NR3C2: variants seen among roughly 807,000 people sequenced by gnomAD.
NR3C2 encodes the protein nuclear receptor subfamily 3 group C member 2, also known as mineralocorticoid receptor.
NR3C2 carries 15 observed loss-of-function variants against 86.4 expected under a neutral mutation model. The observed-to-expected ratio is 0.17, with a 90% CI of 0.12 to 0.27. NR3C2 has a LOEUF of 0.27. Among genes scored for constraint, NR3C2 ranks in the 10% least tolerant of loss-of-function variants. NR3C2 has a pLI of 1.00. For synonymous variants in NR3C2, 458 were observed against 450.5 expected (o/e 1.02, Z -0.21); for missense variants, 960 against 1,195.6 (o/e 0.80, Z 2.91).
intron 3 of NR3C2, among the ~76,000 whole-genome samples, chr4:148,251,829 G>C (rs1739593565): frequency 6.6e-6 from 1 of 151,998 alleles, no homozygotes; most frequent in African/African-American, 2.4e-5. Flanking sequence ...ACTTGGAATG[G>C]GTAAGAGTTA....
At chr4:148,228,588 C>T (rs1738301361) in intron 3 of NR3C2, among the ~76,000 whole-genome samples, 1 of 152,136 alleles carries the variant, frequency 6.6e-6, no homozygotes, top group African/African-American at 2.4e-5. Context: ...ATACATGCTG[C>T]AAATATTTTC....
At chr4:148,341,641 G>T (rs1015089697) in intron 2 of NR3C2, among the ~76,000 whole-genome samples, 4 of 152,006 alleles carry the variant, frequency 2.6e-5, no homozygotes, top group African/African-American at 9.7e-5. Flanking sequence ...AATGTTTGGG[G>T]TAATAAATGC....
rs895003302 is a variant in NR3C2 at position 148,119,497 on chromosome 4, A to G, written c.2641+661T>C. Among the ~76,000 whole-genome samples the G allele has an allele frequency of 2.0e-5, 3 of 152,208 alleles. No individual in the cohort carries two copies. The South Asian group carries it at 6.2e-4, about 31-fold the overall frequency. On this transcript the variant is annotated intron_variant, in intron 7 of 8. Coordinates refer to ENST00000358102, the MANE Select transcript of NR3C2 (RefSeq NM_000901.5). ...TAGTAAATAATTACTTTCCATATGT[A>G]TTAAAGATATCTTTGGCCAGGCGTG...
intron 3 of NR3C2, among the ~76,000 whole-genome samples, chr4:148,210,151 T>C: frequency 6.6e-6 from 1 of 152,084 alleles, no homozygotes; most frequent in East Asian, 1.9e-4. Flanking sequence ...GAGGCCGGTT[T>C]TGGTGTGATA....
chr4:148,344,874 T>C (rs1744916469), intron 2 of NR3C2, among the ~76,000 whole-genome samples: 1 of 152,168 alleles, frequency 6.6e-6, no homozygotes, highest in Non-Finnish European at 1.5e-5. Context: ...TAAACATTAT[T>C]CCAAGGCCAT....
At chr4:148,100,978 G>T (rs1731508187) in intron 8 of NR3C2, among the ~76,000 whole-genome samples, 1 of 152,236 alleles carries the variant, frequency 6.6e-6, no homozygotes, top group South Asian at 2.1e-4. Flanking sequence ...GACAAATACT[G>T]TATGTCTCCT....
At chr4:148,321,972 C>A (rs1315361721) in intron 2 of NR3C2, among the ~76,000 whole-genome samples, 1 of 152,172 alleles carries the variant, frequency 6.6e-6, no homozygotes, top group Non-Finnish European at 1.5e-5. Flanking sequence ...TCTTCCTAGT[C>A]TTGATGGTCT....
chr4:148,237,574 C>T (rs1228944364), intron 3 of NR3C2, among the ~76,000 whole-genome samples: 3 of 151,272 alleles, frequency 2.0e-5, no homozygotes, highest in Non-Finnish European at 4.4e-5. Flanking sequence ...TGAAATATGG[C>T]ACAATTTTAT....
At chr4:148,282,608 A>T (rs1741304466) in intron 2 of NR3C2, among the ~76,000 whole-genome samples, 1 of 152,186 alleles carries the variant, frequency 6.6e-6, no homozygotes, top group African/African-American at 2.4e-5. Context: ...CCAACGAGAA[A>T]GAGCAAGAAA....
At chr4:148,292,069 A>G (rs944199647) in intron 2 of NR3C2, among the ~76,000 whole-genome samples, 20 of 152,094 alleles carry the variant, frequency 1.3e-4, no homozygotes, top group Non-Finnish European at 2.8e-4. Flanking sequence ...CATTGAGGTA[A>G]TAAGTTGAAA....
chr4:148,265,855 A>G (rs1267962031), intron 2 of NR3C2, among the ~76,000 whole-genome samples: 1 of 152,198 alleles, frequency 6.6e-6, no homozygotes, highest in Admixed American at 6.5e-5. Context: ...CTGAAAGTCT[A>G]CGGTGGGCCC....
rs28723458 is a variant in NR3C2, at chr4:148,333,772, A to C, written c.1758-73655T>G. 5.9e-3 allele frequency among the ~76,000 whole-genome samples: 892 copies of C among 152,328 alleles called. 7 individuals are homozygous for C. The highest frequency in any genetic ancestry group is 0.021 in the African/African-American group (864 of 41,568). ...GTGAGCCAGACAAGTTTTTGTCACA[A>C]GAACAGACTGTGTCTAGGACCCTGC... On this transcript the variant is annotated intron_variant, in intron 2 of 8. Transcript: ENST00000358102.
At chr4:148,263,793 AAGGG>A (rs1740245323) in intron 2 of NR3C2, among the ~76,000 whole-genome samples, 1 of 152,098 alleles carries the variant, frequency 6.6e-6, no homozygotes, top group South Asian at 2.1e-4. Flanking sequence ...TCCATCATTA[AAGGG>A]CCCTGATGTT....
chr4:148,144,848 T>C (rs140967625), intron 6 of NR3C2, among the ~76,000 whole-genome samples: 53 of 152,340 alleles, frequency 3.5e-4, no homozygotes, highest in Non-Finnish European at 6.8e-4. Context: ...ACTTATGACG[T>C]TGCTTTTCTT....
At chr4:148,380,741 G>A (rs1168777044) in intron 2 of NR3C2, among the ~76,000 whole-genome samples, 3 of 152,128 alleles carry the variant, frequency 2.0e-5, no homozygotes, top group Non-Finnish European at 4.4e-5. Context: ...TAGTTCTTCT[G>A]TATAGTTTAG....
intron 2 of NR3C2, among the ~76,000 whole-genome samples, chr4:148,430,674 ACTCT>A (rs200166751): frequency 2.0e-5 from 3 of 151,614 alleles, no homozygotes; most frequent in Middle Eastern, 3.4e-3. Flanking sequence ...GCACCAATAC[ACTCT>A]CTCTCTCTCA....
intron 2 of NR3C2, among the ~76,000 whole-genome samples, chr4:148,383,344 C>T (rs1193986943): frequency 6.6e-6 from 1 of 152,124 alleles, no homozygotes; most frequent in Non-Finnish European, 1.5e-5. Flanking sequence ...AGACAACTTA[C>T]TTTATGTGTT....
At chr4:148,344,709 A>T (rs925021040) in intron 2 of NR3C2, among the ~76,000 whole-genome samples, 1 of 152,192 alleles carries the variant, frequency 6.6e-6, no homozygotes, top group African/African-American at 2.4e-5. Flanking sequence ...AACATTATCA[A>T]GAGGTTTTAG....
intron 2 of NR3C2, among the ~76,000 whole-genome samples, chr4:148,332,923 C>T (rs6840141): frequency 0.34 from 51,398 of 151,872 alleles, 9,952 homozygotes; most frequent in African/African-American, 0.54. Context: ...TGTGTTTTAA[C>T]TTTGTGTATT....
Sources: gnomAD v4.1 joint callset for allele counts (sites outside exome capture counted in the v4.1 genomes callset) on GRCh38, gnomAD v4.1.1 for gene constraint, MANE v1.5 for transcripts, NCBI Gene and HGNC (gene_info 2026-07-23, HGNC 2026-07-21) for gene names.